The following NFIA variants were observed in gnomAD, a reference collection of about 807,000 sequenced individuals.
NFIA encodes the protein nuclear factor I A.
A neutral mutation model predicts 62.8 loss-of-function variants in NFIA; 8 were observed. That is an observed-to-expected ratio of 0.13 (90% CI 0.07 to 0.23). The LOEUF (loss-of-function observed/expected upper bound fraction) is 0.23. Ranked by LOEUF, NFIA falls within the 10% of genes least tolerant of loss-of-function variation. The pLI, the probability that NFIA is intolerant of heterozygous loss-of-function variation, is 1.00. For missense variants in NFIA, 410 were observed against 642.1 expected (o/e 0.64, Z 3.91); for synonymous variants, 235 against 238.1 (o/e 0.99, Z 0.12).
At chr1:61,081,754 C>G, upstream of NFIA, 1 of 977,602 alleles carries the variant, frequency 1.0e-6, no homozygotes, top group Admixed American at 2.8e-5. Context: ...CTCACCACCC[C>G]CGCTTCTGAA....
intron 3 of NFIA, among the ~76,000 whole-genome samples, chr1:61,284,149 AG>A (rs1658334851): frequency 1.3e-5 from 2 of 152,234 alleles, no homozygotes; most frequent in Admixed American, 1.3e-4. Flanking sequence ...CAGCAATAAC[AG>A]TTATGATCAA....
chr1:61,203,169 T>C (rs1297580637), intron 2 of NFIA, among the ~76,000 whole-genome samples: 1 of 152,134 alleles, frequency 6.6e-6, no homozygotes, highest in African/African-American at 2.4e-5. Context: ...GTCCCGTTGG[T>C]GTCTATGGTT....
chr1:61,268,507 A>G (rs1365968516), intron 2 of NFIA, among the ~76,000 whole-genome samples: 2 of 151,852 alleles, frequency 1.3e-5, no homozygotes, highest in Non-Finnish European at 1.5e-5. Flanking sequence ...TTGTCATCCA[A>G]AATTTCTAGG....
intron 2 of NFIA, among the ~76,000 whole-genome samples, chr1:61,108,482 T>C (rs1019772081): frequency 1.3e-4 from 19 of 151,682 alleles, no homozygotes; most frequent in African/African-American, 4.6e-4. Context: ...AATGTATTGG[T>C]AAGTTCTTTT....
chr1:61,314,297 C>T (rs1660260860), intron 3 of NFIA, among the ~76,000 whole-genome samples: 1 of 152,090 alleles, frequency 6.6e-6, no homozygotes, highest in Non-Finnish European at 1.5e-5. Context: ...GCCTGCCTCC[C>T]CTACTGGACT....
At chr1:61,369,547 A>G (rs980185389) in intron 6 of NFIA, among the ~76,000 whole-genome samples, 16 of 152,152 alleles carry the variant, frequency 1.1e-4, no homozygotes, top group Non-Finnish European at 2.2e-4. Flanking sequence ...TTTTAACCAT[A>G]GATATAAAGA....
intron 2 of NFIA, among the ~76,000 whole-genome samples, chr1:61,217,106 G>C (rs1653680457): frequency 6.8e-6 from 1 of 146,910 alleles, no homozygotes; most frequent in Non-Finnish European, 1.5e-5. Flanking sequence ...ACCCAGGCTA[G>C]AGTGCAGTGG....
intron 2 of NFIA, among the ~76,000 whole-genome samples, chr1:61,174,778 G>A (rs1650211827): frequency 6.6e-6 from 1 of 152,210 alleles, no homozygotes; most frequent in African/African-American, 2.4e-5. Flanking sequence ...GTAAAAGGAT[G>A]AGAAGACACA....
intron 2 of NFIA, among the ~76,000 whole-genome samples, chr1:61,201,219 A>ATCT (rs1468899928): frequency 6.6e-6 from 1 of 152,140 alleles, no homozygotes; most frequent in Non-Finnish European, 1.5e-5. Flanking sequence ...TGGAAAATAT[A>ATCT]ATGATTGTTG....
chr1:61,292,424 A>G (rs1658949332), intron 3 of NFIA, among the ~76,000 whole-genome samples: 1 of 152,142 alleles, frequency 6.6e-6, no homozygotes, highest in African/African-American at 2.4e-5. Context: ...CCTCCTTCCA[A>G]TTGATCTTTC....
chr1:61,340,574 G>A (rs1355965235), intron 4 of NFIA, among the ~76,000 whole-genome samples: 2 of 152,170 alleles, frequency 1.3e-5, no homozygotes, highest in African/African-American at 4.8e-5. Flanking sequence ...TCTAGTGTCT[G>A]CCACATAGTA....
chr1:61,384,731 T>G (rs977139758), intron 7 of NFIA, among the ~76,000 whole-genome samples: 1 of 152,190 alleles, frequency 6.6e-6, no homozygotes, highest in African/African-American at 2.4e-5. Context: ...GTTTTTCATC[T>G]GTTTGGGGTC....
chr1:61,112,611 A>G (rs1646716993), intron 2 of NFIA, among the ~76,000 whole-genome samples: 1 of 152,188 alleles, frequency 6.6e-6, no homozygotes, highest in African/African-American at 2.4e-5. Flanking sequence ...CCCAGATCTT[A>G]TATGTGTGAT....
intron 5 of NFIA, among the ~76,000 whole-genome samples, chr1:61,353,892 G>A (rs926231218): frequency 6.6e-6 from 1 of 152,164 alleles, no homozygotes; most frequent in Admixed American, 6.5e-5. Flanking sequence ...GAATATATTT[G>A]GGTGTTCATA....
chr1:61,184,054 C>G (rs1650943881), intron 2 of NFIA, among the ~76,000 whole-genome samples: 1 of 147,668 alleles, frequency 6.8e-6, no homozygotes, highest in African/African-American at 2.5e-5. Context: ...TGAAATTGAG[C>G]CGGAGAAGCA....
rs1646249051 is a variant in NFIA, at chr1:61,087,997, C to T, written c.28-152C>T. 16 of 711,354 alleles carry T rather than the reference C, an allele frequency of 2.2e-5. No individual in the cohort carries two copies. The East Asian group carries it at 4.4e-4, about 19-fold the overall frequency. 44.1% of individuals were successfully genotyped at this position (711,354 alleles called of 1,614,324 possible). On this transcript the variant is annotated intron_variant, in intron 1 of 10. Transcript: ENST00000403491. Reference sequence around the variant, plus strand: ...TTCTCTCCCACCTTCCCAGACTTCCCATAGGATCCTGTGTATGATTTTGGT... The same window carrying T: ...TTCTCTCCCACCTTCCCAGACTTCCTATAGGATCCTGTGTATGATTTTGGT...
At chr1:61,370,401 G>A (rs2100462462) in intron 6 of NFIA, among the ~76,000 whole-genome samples, 1 of 152,282 alleles carries the variant, frequency 6.6e-6, no homozygotes, top group East Asian at 1.9e-4. Flanking sequence ...GAAGAGGGCT[G>A]TCTCCAGCAC....
chr1:61,223,363 A>T lies in NFIA; in HGVS notation c.560-54157A>T, dbSNP rs559921402. ...GCATATTCTTGTGTCATTTTTTTAA[A>T]AAAAGTAGCTTTAATGAAAGGTGTC... is the stretch of plus-strand genomic sequence containing the variant. On this transcript the variant is annotated intron_variant, in intron 2 of 10. Transcript: ENST00000403491. Among the ~76,000 whole-genome samples, 241 of 152,126 alleles carry T rather than the reference A, an allele frequency of 1.6e-3. 1 individual carries two copies. The highest frequency in any genetic ancestry group is 5.5e-3 in the African/African-American group (229 of 41,554).
intron 2 of NFIA, among the ~76,000 whole-genome samples, chr1:61,239,443 T>C (rs1655204763): frequency 6.6e-6 from 1 of 152,202 alleles, no homozygotes; most frequent in Non-Finnish European, 1.5e-5. Context: ...CATTAAATCA[T>C]TAATTTTCTC....
Sources: gnomAD v4.1 joint callset for allele counts (sites outside exome capture counted in the v4.1 genomes callset) on GRCh38, gnomAD v4.1.1 for gene constraint, MANE v1.5 for transcripts, NCBI Gene and HGNC (gene_info 2026-07-23, HGNC 2026-07-21) for gene names.